Variants in RERE observed in about 807,000 individuals in gnomAD.
The protein encoded by RERE is arginine-glutamic acid dipeptide repeats.
A neutral mutation model predicts 146.1 loss-of-function variants in RERE; 40 were observed. The observed-to-expected ratio is 0.27, with a 90% CI of 0.21 to 0.36. RERE has a LOEUF of 0.36. Among genes scored for constraint, RERE ranks in the 10% least tolerant of loss-of-function variants. The pLI, the probability that RERE is intolerant of heterozygous loss-of-function variation, is 1.00. For missense variants in RERE, 1,933 were observed against 2,138.7 expected (o/e 0.90, Z 1.90); for synonymous variants, 1,003 against 866.0 (o/e 1.16, Z -2.78).
chr1:8,595,528 T>C (rs1646545754), intron 4 of RERE, among the ~76,000 whole-genome samples: 1 of 151,702 alleles, frequency 6.6e-6, no homozygotes, highest in African/African-American at 2.4e-5. Context: ...TTTATGTATT[T>C]ATTTTAATGT....
At chr1:8,662,557 G>A (rs1638479522) in intron 1 of RERE, among the ~76,000 whole-genome samples, 1 of 152,192 alleles carries the variant, frequency 6.6e-6, no homozygotes, top group Non-Finnish European at 1.5e-5. Flanking sequence ...ATGCGTGGTG[G>A]TGCAGACCTG....
rs76886046 is a variant in RERE, at chr1:8,446,256, G to A, written c.1203+19669C>T. Among the ~76,000 whole-genome samples, 367 of 152,268 alleles carry A rather than the reference G, an allele frequency of 2.4e-3. 2 individuals are homozygous for A. Among genetic ancestry groups the A allele is most frequent in the Non-Finnish European group, 3.5e-3 (241 of 68,016 alleles). On this transcript the variant is annotated intron_variant, in intron 11 of 22. Coordinates refer to ENST00000400908, the MANE Select transcript of RERE (RefSeq NM_001042681.2). ...GATAGTCTGATATGGGCTTCCCTTT[G>A]TGGGTAACCCGACCTTTCTCTCTGG...
At position 8,556,467 on chromosome 1, in the gene RERE, G is replaced by A. The variant is rs1285854800; in HGVS notation, c.725+8C>T. ...CTTCACATGGAAGAGCACGTCTCCA[G>A]TACTTACCTAAGGGCAGCAGCATGG... On this transcript the variant is annotated splice_region_variant and intron_variant, in intron 6 of 22. Coordinates refer to ENST00000400908, the MANE Select transcript of RERE (RefSeq NM_001042681.2). 6.5e-7 allele frequency: 1 copy of A among 1,539,046 alleles called. No individual in the cohort carries two copies. Among genetic ancestry groups the A allele is most frequent in the Non-Finnish European group, 9.0e-7 (1 of 1,111,686 alleles).
At chr1:8,490,541 G>A (rs1314742656) in intron 10 of RERE, among the ~76,000 whole-genome samples, 1 of 149,972 alleles carries the variant, frequency 6.7e-6, no homozygotes, top group Non-Finnish European at 1.5e-5. Context: ...CAACCAGAAT[G>A]TTGTTTAACA....
intron 2 of RERE, among the ~76,000 whole-genome samples, chr1:8,634,183 G>A (rs1163870533): frequency 3.9e-5 from 6 of 152,046 alleles, no homozygotes; most frequent in East Asian, 1.9e-4. Context: ...TACTACAACC[G>A]CTCTTCCCAA....
At chr1:8,657,571 G>C (rs1169179940) in intron 1 of RERE, among the ~76,000 whole-genome samples, 2 of 152,130 alleles carry the variant, frequency 1.3e-5, no homozygotes, top group African/African-American at 4.8e-5. Context: ...TACTGGCCAG[G>C]CGTGGTGGCT....
chr1:8,456,178 G>T (rs17032613), intron 11 of RERE, among the ~76,000 whole-genome samples: 1 of 152,242 alleles, frequency 6.6e-6, no homozygotes, highest in African/African-American at 2.4e-5. Context: ...CTCAAGAAAG[G>T]AAGATTTTTG....
chr1:8,641,060 T>C (rs1647169876), intron 2 of RERE, among the ~76,000 whole-genome samples: 1 of 152,230 alleles, frequency 6.6e-6, no homozygotes, highest in Non-Finnish European at 1.5e-5. Flanking sequence ...TTTTTAATTT[T>C]GGAAAGTCTG....
chr1:8,407,478 C>G (rs1461541178), intron 12 of RERE, among the ~76,000 whole-genome samples: 1 of 151,804 alleles, frequency 6.6e-6, no homozygotes, highest in Non-Finnish European at 1.5e-5. Flanking sequence ...TAAAATTCCA[C>G]TTTTTTTTTC....
chr1:8,364,277 G>A lies in RERE; in HGVS notation c.1541-22C>T, dbSNP rs368617954. 5 of 1,609,034 alleles carry A rather than the reference G, an allele frequency of 3.1e-6. No individual in the cohort carries two copies. Among genetic ancestry groups the A allele is most frequent in the Non-Finnish European group, 2.6e-6 (3 of 1,175,650 alleles). On this transcript the variant is annotated intron_variant, in intron 14 of 22. Transcript: ENST00000400908. The surrounding 1 kb of genome is among the most constrained non-coding windows in gnomAD (Gnocchi z 5.1). ...GAGGCTGTGTGAGGGAAGTGGTGGG[G>A]GCCAACCTTGGAAACCATCCCTCTC...
chr1:8,503,996 A>G (rs751852659), intron 8 of RERE, among the ~76,000 whole-genome samples: 8 of 152,234 alleles, frequency 5.3e-5, no homozygotes, highest in Non-Finnish European at 1.0e-4. Flanking sequence ...TACATAAAAG[A>G]AGGACAGAAT....
chr1:8,508,724 T>TA, intron 7 of RERE, 49 bp from the exon 8 acceptor site: 2 of 1,431,370 alleles, frequency 1.4e-6, no homozygotes, highest in Non-Finnish European at 1.9e-6. Flanking sequence ...AGTTTTGACA[T>TA]AAACATTCAC....
intron 11 of RERE, chr1:8,465,537 T>TA (rs1182389681): frequency 2.0e-5 from 7 of 345,856 alleles, no homozygotes; most frequent in African/African-American, 4.3e-5. Context: ...TAATTATGAT[T>TA]AAAAAAAAGA....
chr1:8,732,802 A>ATTT (rs1640115759), intron 1 of RERE, among the ~76,000 whole-genome samples: 2 of 94,972 alleles, frequency 2.1e-5, no homozygotes, highest in African/African-American at 8.4e-5. Flanking sequence ...CCAATTTTCA[A>ATTT]TTTTTCTTTT....
intron 12 of RERE, among the ~76,000 whole-genome samples, chr1:8,375,021 C>A (rs539686928): frequency 6.6e-6 from 1 of 152,208 alleles, no homozygotes; most frequent in Non-Finnish European, 1.5e-5. Flanking sequence ...TTCACTCCTA[C>A]ATCTTTTCAT....
chr1:8,616,694 G>A (rs1233741966), intron 3 of RERE, among the ~76,000 whole-genome samples: 1 of 152,082 alleles, frequency 6.6e-6, no homozygotes, highest in Non-Finnish European at 1.5e-5. Flanking sequence ...GTTTCTTAGA[G>A]TCCCTTGACC....
chr1:8,635,068 T>A (rs925799043), intron 2 of RERE, among the ~76,000 whole-genome samples: 9 of 152,182 alleles, frequency 5.9e-5, no homozygotes, highest in African/African-American at 2.2e-4. Context: ...ATTTAAAACA[T>A]CAAGACACTT....
At chr1:8,409,812 T>C (rs1643561988) in intron 12 of RERE, among the ~76,000 whole-genome samples, 1 of 152,112 alleles carries the variant, frequency 6.6e-6, no homozygotes, top group South Asian at 2.1e-4. Context: ...CCTGGCGACA[T>C]GATCAAAGCT....
At chr1:8,648,231 A>C (rs777326606) in intron 2 of RERE, among the ~76,000 whole-genome samples, 22 of 152,118 alleles carry the variant, frequency 1.4e-4, no homozygotes, top group Non-Finnish European at 2.9e-4. Context: ...TTTCATGTTG[A>C]AATCATTTAC....
Sources: gnomAD v4.1 joint callset for allele counts (sites outside exome capture counted in the v4.1 genomes callset) on GRCh38, gnomAD v4.1.1 for gene constraint, Gnocchi (gnomAD v3.1) non-coding constraint, MANE v1.5 for transcripts, NCBI Gene and HGNC (gene_info 2026-07-23, HGNC 2026-07-21) for gene names.